ZNF251: variants seen among roughly 807,000 people sequenced by gnomAD.
The protein encoded by ZNF251 is zinc finger protein 251.
Under a neutral mutation model 13.5 loss-of-function variants are expected in ZNF251, and 14 were observed. The ratio of observed to expected loss-of-function variants is 1.04; its 90% CI spans 0.69 to 1.63. The LOEUF (loss-of-function observed/expected upper bound fraction) is 1.63, where lower values mean the gene tolerates loss of function less well. Ranked by LOEUF, ZNF251 falls within the 40% of genes most tolerant of loss-of-function variation. The probability of loss-of-function intolerance (pLI) is 0.00; values close to 1 mark genes in which losing one functional copy is unlikely to be tolerated. For synonymous variants in ZNF251, 287 were observed against 295.2 expected, an observed-to-expected ratio of 0.97 and a Z score of 0.28; for missense variants, 764 against 834.9, an observed-to-expected ratio of 0.92 and a Z score of 1.05.
In ZNF251 at chr8:144,722,532, G is replaced by C; in HGVS notation, c.1128C>G (p.Pro376=). The stretch of plus-strand genomic sequence containing the variant: ...CCTTCCCACACTGATTGCATTTATG[G>C]GGCTTCTCTCCAGTGTGAATTCTCT... ...QHERIHTGEK[P]HKCNQCGKAF... The change falls in exon 5 of 5, where the codon CCC becomes CCG. Residue 376 remains proline (P), a synonymous_variant. Transcript: ENST00000292562. This position sits in a 1 kb window ranked among gnomAD's most constrained non-coding sequence, Gnocchi z 4.8. 3 of 1,613,902 alleles carry C rather than the reference G, an allele frequency of 1.9e-6. No homozygotes were observed. The highest frequency in any genetic ancestry group is 2.5e-6 in the Non-Finnish European group (3 of 1,179,932).
intron 4 of ZNF251, among the ~76,000 whole-genome samples, chr8:144,725,022 T>C (rs1159852953): frequency 6.6e-6 from 1 of 152,192 alleles, no homozygotes; most frequent in Non-Finnish European, 1.5e-5. Flanking sequence ...TCTTGTTTTT[T>C]TTTTCTTTGA....
chr8:144,755,523 G>A lies in ZNF251; in HGVS notation c.-194C>T, dbSNP rs1044288297. On this transcript the variant is annotated 5_prime_UTR_variant, in exon 1 of 5. Transcript: ENST00000292562. The stretch of plus-strand genomic sequence containing the variant: ...CAGAGCCGGGGAGGGGGCGGGCTAG[G>A]ATGAAGAGGGCGGGCCGGGCCGAGC... 3.0e-5 allele frequency: 39 copies of A among 1,285,302 alleles called. No individual in the cohort carries two copies. In the South Asian group the frequency reaches 4.6e-4, roughly 15 times the overall value. 79.6% of individuals were successfully genotyped at this position (1,285,302 alleles called of 1,614,324 possible). A position where few individuals can be genotyped will look rare whatever the true frequency, so the allele number is the denominator to read the frequency against.
intron 4 of ZNF251, among the ~76,000 whole-genome samples, chr8:144,730,262 A>G (rs1247337417): frequency 6.6e-6 from 1 of 152,226 alleles, no homozygotes; most frequent in African/African-American, 2.4e-5. Flanking sequence ...TGCCGCCCAG[A>G]GGCCTTCCGT....
rs530452475 is a variant in ZNF251, at chr8:144,736,363, A to G, written c.278-12981T>C. ...CTTTCAGTACTTTATAAGGGGGCCCAAGTCACAGTAGTTCCTGAGGAGCCT... is the reference window on the plus strand; with the variant it reads ...CTTTCAGTACTTTATAAGGGGGCCCGAGTCACAGTAGTTCCTGAGGAGCCT... On this transcript the variant is annotated intron_variant, in intron 4 of 4. Coordinates refer to ENST00000292562, the MANE Select transcript of ZNF251 (RefSeq NM_138367.2). Among the ~76,000 whole-genome samples the G allele has an allele frequency of 2.4e-4, 36 of 152,298 alleles. 1 individual carries two copies. In the South Asian group the frequency reaches 7.5e-3, roughly 32 times the overall value.
Position 144,754,335 on chromosome 8 carries a change from T to G in ZNF251, c.34-14A>C. The stretch of plus-strand genomic sequence containing the variant: ...CAGCGGCATCTCCTGCAACAAAACA[T>G]CGCCGCTGCCCAGGCCATGCCCACG... On this transcript the variant is annotated splice_polypyrimidine_tract_variant and intron_variant, in intron 2 of 4. Coordinates refer to ENST00000292562, the MANE Select transcript of ZNF251 (RefSeq NM_138367.2). 6.3e-7 allele frequency: 1 copy of G among 1,592,170 alleles called. No homozygotes were observed. The highest frequency in any genetic ancestry group is 2.3e-5 in the East Asian group (1 of 43,902).
At chr8:144,751,756 A>G (rs1824702397) in intron 4 of ZNF251, among the ~76,000 whole-genome samples, 1 of 152,190 alleles carries the variant, frequency 6.6e-6, no homozygotes, top group Admixed American at 6.5e-5. Flanking sequence ...AAACACTACA[A>G]TTAAAAGACA....
chr8:144,742,799 C>G (rs935687805), intron 4 of ZNF251, among the ~76,000 whole-genome samples: 1 of 152,134 alleles, frequency 6.6e-6, no homozygotes, highest in African/African-American at 2.4e-5. Context: ...GGGATTGGGT[C>G]CGAGACCCCC....
chr8:144,725,290 C>T (rs1309204571), intron 4 of ZNF251, among the ~76,000 whole-genome samples: 2 of 152,228 alleles, frequency 1.3e-5, no homozygotes, highest in East Asian at 3.8e-4. Context: ...GCTGGGATTA[C>T]GGGCGTGAGC....
chr8:144,752,849 A>G (rs1824759884), intron 4 of ZNF251, among the ~76,000 whole-genome samples: 1 of 152,180 alleles, frequency 6.6e-6, no homozygotes, highest in Non-Finnish European at 1.5e-5. Flanking sequence ...AAAACTGGGA[A>G]AGGAATGAGG....
At chr8:144,739,045 A>G (rs1374912758) in intron 4 of ZNF251, among the ~76,000 whole-genome samples, 1 of 152,006 alleles carries the variant, frequency 6.6e-6, no homozygotes, top group East Asian at 1.9e-4. Flanking sequence ...CCACCTGGAC[A>G]GCCCCCATCT....
chr8:144,726,971 T>C (rs1823536889), intron 4 of ZNF251, among the ~76,000 whole-genome samples: 1 of 152,170 alleles, frequency 6.6e-6, no homozygotes, highest in Non-Finnish European at 1.5e-5. Context: ...GGAAGACCAC[T>C]TGAGCCCAGG....
chr8:144,731,960 T>TTTTTTTTTAA (rs1823709590), intron 4 of ZNF251, among the ~76,000 whole-genome samples: 1 of 151,592 alleles, frequency 6.6e-6, no homozygotes, highest in African/African-American at 2.4e-5. Context: ...TTTTTTTTTT[T>TTTTTTTTTAA]AAGACAGAGT....
At chr8:144,755,014 A>C in intron 1 of ZNF251, 1 of 1,384,476 alleles carries the variant, frequency 7.2e-7, no homozygotes, top group Non-Finnish European at 9.3e-7. Context: ...CGCCCGGCTA[A>C]GGGGTGAAAG....
chr8:144,735,921 C>T (rs1232511822), intron 4 of ZNF251, among the ~76,000 whole-genome samples: 5 of 152,200 alleles, frequency 3.3e-5, no homozygotes, highest in Non-Finnish European at 7.3e-5. Flanking sequence ...GCTCGGCAGT[C>T]GCCTGCTGAG....
chr8:144,754,929 G>A, intron 1 of ZNF251, 126 bp from the exon 2 acceptor site: 1 of 1,427,190 alleles, frequency 7.0e-7, no homozygotes, highest in Non-Finnish European at 9.1e-7. Flanking sequence ...TGCAGCACGG[G>A]CCGACGTGCC....
intron 4 of ZNF251, chr8:144,730,225 T>A: frequency 3.6e-6 from 2 of 557,194 alleles, no homozygotes; most frequent in Non-Finnish European, 4.6e-6. Flanking sequence ...ATCCCTGGAC[T>A]GAAAGAGCAG....
chr8:144,726,360 C>T (rs968264745), intron 4 of ZNF251, among the ~76,000 whole-genome samples: 23 of 151,450 alleles, frequency 1.5e-4, no homozygotes, highest in Middle Eastern at 3.2e-3. Flanking sequence ...ATGGCAAAAC[C>T]CCGTCTCTAC....
At chr8:144,742,559 T>C (rs1203323975) in intron 4 of ZNF251, among the ~76,000 whole-genome samples, 2 of 146,974 alleles carry the variant, frequency 1.4e-5, no homozygotes, top group Non-Finnish European at 3.0e-5. Flanking sequence ...ATCATGACCA[T>C]CTAAAATCTC....
At position 144,722,088 on chromosome 8, in the gene ZNF251, G is replaced by A; in HGVS notation, c.1572C>T (p.Ala524=). The A allele has an allele frequency of 1.2e-6, 2 of 1,613,962 alleles. No individual in the cohort carries two copies. The highest frequency in any genetic ancestry group is 2.2e-5 in the East Asian group (1 of 44,876). ...ETRKCRKHGP[A]FVHGSSLTAD... is the part of the protein sequence containing the mutation. ...CTGTGAGGCTGGAGCCATGAACAAAGGCTGGACCATGTTTTCTGCACTTAC... is the reference window on the plus strand; with the variant it reads ...CTGTGAGGCTGGAGCCATGAACAAAAGCTGGACCATGTTTTCTGCACTTAC... Residue 524 remains alanine (A), a synonymous_variant, in exon 5 of 5, where the codon GCC becomes GCT. Transcript: ENST00000292562. This position sits in a 1 kb window ranked among gnomAD's most constrained non-coding sequence, Gnocchi z 4.8.
Sources: gnomAD v4.1 joint callset for allele counts (sites outside exome capture counted in the v4.1 genomes callset) on GRCh38, gnomAD v4.1.1 for gene constraint, Gnocchi (gnomAD v3.1) non-coding constraint, MANE v1.5 for transcripts, NCBI Gene and HGNC (gene_info 2026-07-23, HGNC 2026-07-21) for gene names.